PON2: variants seen among roughly 807,000 people sequenced by gnomAD.
PON2 encodes the protein paraoxonase 2, also known as serum paraoxonase/arylesterase 2.
Under a neutral mutation model 36.6 loss-of-function variants are expected in PON2, and 27 were observed. That is an observed-to-expected ratio of 0.74 (90% confidence interval 0.54 to 1.02). The LOEUF (loss-of-function observed/expected upper bound fraction) is 1.02, where lower values mean the gene tolerates loss of function less well. PON2 is among the 50% of genes least tolerant of loss of function. The probability of loss-of-function intolerance (pLI) is 0.00; values close to 1 mark genes in which losing one functional copy is unlikely to be tolerated. For missense variants in PON2, 363 were observed against 421.1 expected, an observed-to-expected ratio of 0.86 and a Z score of 1.21; for synonymous variants, 149 against 156.3, an observed-to-expected ratio of 0.95 and a Z score of 0.35.
Position 95,405,424 on chromosome 7 carries a change from C to A in PON2, c.971G>T (p.Gly324Val), listed in dbSNP as rs775444276. ...TACAGAACTTCCTTGGAGAACAGAC[C>A]CATTGTTGGCATAAACTGTAGTCAC... ...PTVTTVYANN[G>V]SVLQGSSVAS... Residue 324 changes from glycine to valine, a missense_variant, in exon 9 of 9, where the codon GGG (glycine) becomes GTG (valine). Coordinates refer to ENST00000222572, the MANE Select transcript of PON2 (RefSeq NM_000305.3). The A allele has an allele frequency of 2.2e-5, 36 of 1,613,484 alleles. No individual in the cohort carries two copies. The highest frequency in any genetic ancestry group is 3.0e-5 in the Non-Finnish European group (35 of 1,179,616).
At chr7:95,417,838 T>TACAATGCTTAC (rs3831551) in intron 2 of PON2, among the ~76,000 whole-genome samples, 77,320 of 151,602 alleles carry the variant, frequency 0.51, 20,335 homozygotes, top group East Asian at 0.82. Flanking sequence ...TTTCCAAGTA[T>TACAATGCTTAC]ACACGTGGAA....
intron 1 of PON2, among the ~76,000 whole-genome samples, chr7:95,426,887 T>C (rs1262583202): frequency 1.3e-5 from 2 of 152,126 alleles, no homozygotes; most frequent in Admixed American, 6.6e-5. Context: ...ACCATCTACC[T>C]TTTTCAAAGA....
chr7:95,423,831 C>T (rs1450014021), intron 2 of PON2, among the ~76,000 whole-genome samples: 2 of 152,074 alleles, frequency 1.3e-5, no homozygotes, highest in Non-Finnish European at 2.9e-5. Context: ...AACTTACAAT[C>T]TTGGTGGAAG....
At chr7:95,407,528 T>C (rs1298741162) in intron 6 of PON2, among the ~76,000 whole-genome samples, 1 of 152,098 alleles carries the variant, frequency 6.6e-6, no homozygotes, top group African/African-American at 2.4e-5. Flanking sequence ...ATTTTAAGAG[T>C]AAGAGATAAG....
intron 1 of PON2, 36 bp downstream of exon 1, chr7:95,434,842 G>C: frequency 6.5e-7 from 1 of 1,533,338 alleles, no homozygotes; most frequent in Non-Finnish European, 8.7e-7. Flanking sequence ...CGAGCCTGGG[G>C]ACCGCCGAGG....
chr7:95,424,523 T>G lies in PON2; in HGVS notation c.137A>C (p.Lys46Thr). ...SVDLPHCHLI[K>T]GIEAGSEDID... is the part of the protein sequence containing the mutation. ...CATTTTCATATACATACCAATTCCTTTAATCAGGTGGCAGTGTGGAAGGTC... is the reference window on the plus strand; with the variant it reads ...CATTTTCATATACATACCAATTCCTGTAATCAGGTGGCAGTGTGGAAGGTC... Residue 46 changes from lysine (K) to threonine (T), a missense_variant, in exon 2 of 9, where the codon AAA becomes ACA. By Grantham distance (78) the Lys-to-Thr change is moderately conservative (BLOSUM62 -1). Coordinates refer to ENST00000222572, the MANE Select transcript of PON2 (RefSeq NM_000305.3). 6.2e-7 allele frequency: 1 copy of G among 1,612,420 alleles called. No individual in the cohort carries two copies. The highest frequency in any genetic ancestry group is 8.5e-7 in the Non-Finnish European group (1 of 1,178,626).
chr7:95,426,343 T>C (rs1223086509), intron 1 of PON2, among the ~76,000 whole-genome samples: 2 of 152,180 alleles, frequency 1.3e-5, no homozygotes, highest in Admixed American at 1.3e-4. Flanking sequence ...CTGATGATAA[T>C]TGTGGGTGGT....
chr7:95,431,724 A>T (rs1789446315), intron 1 of PON2, among the ~76,000 whole-genome samples: 1 of 152,020 alleles, frequency 6.6e-6, no homozygotes, highest in African/African-American at 2.4e-5. Context: ...CCGGCCAAAC[A>T]TGCTCCTTTT....
In PON2 at chr7:95,411,687, G is replaced by C; in HGVS notation, c.460C>G (p.His154Asp). 12 of 1,613,958 alleles carry C rather than the reference G, an allele frequency of 7.4e-6. No individual in the cohort carries two copies. Among genetic ancestry groups the C allele is most frequent in the Non-Finnish European group, 1.0e-5 (12 of 1,179,918 alleles). ...AGCTCATGTTTGACTGTTTTCAGAT[G>C]CAACAGAGAATTTTCTGCTTCTTCA... is the stretch of plus-strand genomic sequence containing the variant. ...KFEEAENSLL[H>D]LKTVKHELLP... The change falls in exon 5 of 9, where the codon CAT becomes GAT. Residue 154 changes from histidine (H) to aspartate (D), a missense_variant. His to Asp is a moderately conservative substitution (Grantham distance 81). Transcript: ENST00000222572.
intron 1 of PON2, among the ~76,000 whole-genome samples, chr7:95,425,097 T>C (rs973785538): frequency 1.3e-5 from 2 of 152,114 alleles, no homozygotes; most frequent in African/African-American, 2.4e-5. Flanking sequence ...GAAAAGAAGG[T>C]AGCATCCCTA....
intron 3 of PON2, chr7:95,415,238 G>A (rs1046105217): frequency 2.4e-4 from 36 of 152,180 alleles, no homozygotes; most frequent in African/African-American, 8.4e-4. Flanking sequence ...AGCCAGGGAG[G>A]TAGGTGGTCA....
chr7:95,421,876 C>G (rs1489893005), intron 2 of PON2, among the ~76,000 whole-genome samples: 1 of 152,186 alleles, frequency 6.6e-6, no homozygotes, highest in African/African-American at 2.4e-5. Context: ...GCACTGTCAA[C>G]TGATGGTTTA....
At chr7:95,420,824 T>A (rs1027268035) in intron 2 of PON2, among the ~76,000 whole-genome samples, 5 of 152,168 alleles carry the variant, frequency 3.3e-5, no homozygotes, top group Non-Finnish European at 7.3e-5. Flanking sequence ...TGTATAGAAA[T>A]GTGTGTCCAG....
chr7:95,420,880 T>A (rs950736894), intron 2 of PON2, among the ~76,000 whole-genome samples: 1 of 152,224 alleles, frequency 6.6e-6, no homozygotes, highest in East Asian at 1.9e-4. Context: ...TAAGCAACTG[T>A]TGTTAAAGAT....
chr7:95,418,533 T>TC (rs1298291526), intron 2 of PON2: 1 of 152,240 alleles, frequency 6.6e-6, no homozygotes, highest in Non-Finnish European at 1.5e-5. Flanking sequence ...GTTGTCTTTT[T>TC]CCCCTGAAGT....
At chr7:95,421,478 G>A (rs1789190919) in intron 2 of PON2, among the ~76,000 whole-genome samples, 1 of 152,178 alleles carries the variant, frequency 6.6e-6, no homozygotes, top group Admixed American at 6.5e-5. Flanking sequence ...ATGCCATCTG[G>A]CTTTTGCTGA....
chr7:95,433,989 A>G (rs1789503461), intron 1 of PON2, among the ~76,000 whole-genome samples: 1 of 152,252 alleles, frequency 6.6e-6, no homozygotes, highest in Non-Finnish European at 1.5e-5. Flanking sequence ...ACTCTACTAT[A>G]GAAGCCTAAG....
rs116397473 is a variant in PON2, at chr7:95,412,321, T to C, written c.358A>G (p.Ile120Val). The C allele has an allele frequency of 2.2e-4, 350 of 1,614,142 alleles. 1 individual carries two copies. The African/African-American group carries it at 4.1e-3, about 19-fold the overall frequency. The stretch of plus-strand genomic sequence containing the variant: ...GCCCATTGGCTCTTACCGTTGTCTA[T>C]GAAAGTGCTGATGCCATGTGGATTG... ...SFNPHGISTF[I>V]DNDDTVYLFV... Residue 120 changes from isoleucine (I) to valine (V), a missense_variant, in exon 4 of 9, where the codon ATA becomes GTA. Ile to Val is a conservative substitution (Grantham distance 29, BLOSUM62 3). Coordinates refer to ENST00000222572, the MANE Select transcript of PON2 (RefSeq NM_000305.3).
chr7:95,416,596 G>A, intron 2 of PON2: 2 of 423,286 alleles, frequency 4.7e-6, no homozygotes, highest in South Asian at 2.4e-5. Flanking sequence ...TAAACATCCA[G>A]ATGTCCGTAT....
Sources: allele counts gnomAD v4.1 joint callset (sites outside exome capture counted in the v4.1 genomes callset), GRCh38; gene constraint gnomAD v4.1.1; transcripts MANE v1.5; gene names NCBI Gene and HGNC (gene_info 2026-07-23, HGNC 2026-07-21).